HEBP1: variants seen among roughly 807,000 people sequenced by gnomAD.
The protein encoded by HEBP1 is heme binding protein 1.
HEBP1 carries 13 observed loss-of-function variants against 20.4 expected under a neutral mutation model. The ratio of observed to expected loss-of-function variants is 0.64; its 90% confidence interval spans 0.42 to 1.01. The LOEUF (loss-of-function observed/expected upper bound fraction) is 1.01, where lower values mean the gene tolerates loss of function less well. HEBP1 is among the 50% of genes least tolerant of loss of function. HEBP1 has a pLI of 0.00. For missense variants in HEBP1, 241 were observed against 247.3 expected (o/e 0.97, Z 0.17); for synonymous variants, 92 against 90.7 (o/e 1.01, Z -0.08).
intron 1 of HEBP1, among the ~76,000 whole-genome samples, chr12:12,993,106 CT>C: frequency 6.6e-6 from 1 of 152,074 alleles, no homozygotes; most frequent in South Asian, 2.1e-4. Context: ...CTCTGTCTTT[CT>C]TTTTTTCTTT....
intron 3 of HEBP1, among the ~76,000 whole-genome samples, chr12:12,985,053 CAGG>C: frequency 6.6e-6 from 1 of 150,704 alleles, no homozygotes; most frequent in East Asian, 2.0e-4. Flanking sequence ...GAGGCTGAGG[CAGG>C]AGAATTGCTT....
At chr12:12,997,768 T>C (rs1864309836) in intron 1 of HEBP1, among the ~76,000 whole-genome samples, 1 of 152,152 alleles carries the variant, frequency 6.6e-6, no homozygotes, top group South Asian at 2.1e-4. Context: ...GTGTGGGCCA[T>C]CATCATTAAT....
intron 1 of HEBP1, among the ~76,000 whole-genome samples, chr12:12,999,081 C>A (rs570160812): frequency 6.6e-6 from 1 of 152,370 alleles, no homozygotes; most frequent in East Asian, 1.9e-4. Flanking sequence ...GCAGAATTGA[C>A]TGCCTCTGTG....
At chr12:12,997,756 C>T (rs1318521451) in intron 1 of HEBP1, among the ~76,000 whole-genome samples, 1 of 152,214 alleles carries the variant, frequency 6.6e-6, no homozygotes, top group Non-Finnish European at 1.5e-5. Flanking sequence ...CCCTCTCCGC[C>T]TGTGTGGGCC....
At chr12:12,990,115 T>TGC (rs1193164975) in intron 1 of HEBP1, among the ~76,000 whole-genome samples, 7 of 72,886 alleles carry the variant, frequency 9.6e-5, no homozygotes, top group African/African-American at 2.6e-4. Context: ...CTACTCTCTG[T>TGC]GCACACACAC....
At position 12,989,414 on chromosome 12, in the gene HEBP1, T is replaced by C; in HGVS notation, c.80A>G (p.Glu27Gly). 2 of 1,614,074 alleles carry C rather than the reference T, an allele frequency of 1.2e-6. No individual in the cohort carries two copies. The highest frequency in any genetic ancestry group is 1.7e-6 in the Non-Finnish European group (2 of 1,179,980). ...PWQVLSKGDK[E>G]EVAYEERACE... ...GGCCCTTTCTTCATAGGCAACTTCT[T>C]CCTAGAGAGAGAGAAGGTACAGTGT... The change falls in exon 2 of 4, where the codon GAA becomes GGA. Residue 27 changes from glutamate (E) to glycine (G), a missense_variant and splice_region_variant. Physicochemically the swap from Glu to Gly is moderately conservative, Grantham distance 98. Transcript: ENST00000014930.
At chr12:12,981,938 C>A (rs1453297085) in intron 3 of HEBP1, among the ~76,000 whole-genome samples, 1 of 152,162 alleles carries the variant, frequency 6.6e-6, no homozygotes, top group East Asian at 1.9e-4. Context: ...GAGAGAAGCA[C>A]AGGAGAGGCA....
At chr12:12,984,831 C>T (rs1864132211) in intron 3 of HEBP1, among the ~76,000 whole-genome samples, 1 of 151,810 alleles carries the variant, frequency 6.6e-6, no homozygotes, top group Non-Finnish European at 1.5e-5. Flanking sequence ...CAAAATCTGA[C>T]TTGGATCCAG....
intron 3 of HEBP1, among the ~76,000 whole-genome samples, chr12:12,981,842 C>G (rs188841657): frequency 6.6e-6 from 1 of 152,116 alleles, no homozygotes; most frequent in Non-Finnish European, 1.5e-5. Flanking sequence ...GGGAGACAGA[C>G]AGAGGTTAGG....
Position 13,000,148 on chromosome 12 carries a change from A to G in HEBP1, c.-34T>C. On this transcript the variant is annotated 5_prime_UTR_variant, in exon 1 of 4. Transcript: ENST00000014930. ...CGAGACGCTCCCGACGCACGGGAGG[A>G]CGTGAGGTGGCGGGGGCGACGGAGC... 21 of 1,532,964 alleles carry G rather than the reference A, an allele frequency of 1.4e-5. No individual in the cohort carries two copies. Among genetic ancestry groups the G allele is most frequent in the Non-Finnish European group, 1.9e-5 (21 of 1,121,664 alleles). The allele number at this position is 1,532,964 out of a possible 1,614,324, so 95.0% of individuals were successfully genotyped here.
At position 12,987,612 on chromosome 12, in the gene HEBP1, T is replaced by TCTCTCTCTCTCTTTCTC. The variant is rs1230851526; in HGVS notation, c.218-281_218-280insGAGAAAGAGAGAGAGAG. Among the ~76,000 whole-genome samples, 59 of 117,840 alleles carry TCTCTCTCTCTCTTTCTC rather than the reference T, an allele frequency of 5.0e-4. 1 individual carries two copies. Among genetic ancestry groups the TCTCTCTCTCTCTTTCTC allele is most frequent in the African/African-American group, 1.8e-3 (58 of 32,612 alleles). The allele number at this position is 117,840 out of a possible 152,430, so 77.3% of individuals were successfully genotyped here. The stretch of plus-strand genomic sequence containing the variant: ...TCTTTCTCTCTCTCTCTCTCTCTCT[T>TCTCTCTCTCTCTTTCTC]TCTCTCTCTCTCTCTCTCTCTCTTT... On this transcript the variant is annotated intron_variant, in intron 2 of 3. Coordinates refer to ENST00000014930, the MANE Select transcript of HEBP1 (RefSeq NM_015987.5).
At chr12:12,991,854 T>C (rs1395594379) in intron 1 of HEBP1, among the ~76,000 whole-genome samples, 3 of 152,218 alleles carry the variant, frequency 2.0e-5, no homozygotes, top group Non-Finnish European at 2.9e-5. Context: ...GAAGGAAAGT[T>C]GGTCTATGTT....
chr12:12,997,622 C>T (rs1338247371), intron 1 of HEBP1, among the ~76,000 whole-genome samples: 3 of 152,230 alleles, frequency 2.0e-5, no homozygotes, highest in Middle Eastern at 3.4e-3. Flanking sequence ...CGTAGCTGGG[C>T]GCCGGCTGAC....
In HEBP1 at chr12:12,975,430, G is replaced by C. The variant is rs982212804; in HGVS notation, c.448C>G (p.Arg150Gly). Residue 150 changes from arginine to glycine, a missense_variant, in exon 4 of 4, where the codon CGT becomes GGT. Arg to Gly is a moderately radical substitution (Grantham distance 125, BLOSUM62 -2). Coordinates refer to ENST00000014930, the MANE Select transcript of HEBP1 (RefSeq NM_015987.5). ...GTGCCCTCCAGGGCAGCACGCAGAC[G>C]GGTGGCTTGTGCTACGTAGTCTGCT... Reference protein sequence around the residue: ...KEADYVAQATRLRAALEGTAT... With the variant: ...KEADYVAQATGLRAALEGTAT... The C allele has an allele frequency of 6.2e-7, 1 of 1,612,492 alleles. No individual in the cohort carries two copies. The highest frequency in any genetic ancestry group is 8.5e-7 in the Non-Finnish European group (1 of 1,179,352).
intron 3 of HEBP1, chr12:12,979,850 C>T (rs1864052100): frequency 6.6e-6 from 1 of 152,154 alleles, no homozygotes; most frequent in African/African-American, 2.4e-5. Context: ...CATACACACA[C>T]CCCTGATTCC....
intron 3 of HEBP1, chr12:12,977,724 C>T (rs921233475): frequency 6.6e-6 from 1 of 152,178 alleles, no homozygotes; most frequent in African/African-American, 2.4e-5. Context: ...TAACCCCATC[C>T]CAATCTTCTT....
At chr12:12,978,403 G>T (rs571316826) in intron 3 of HEBP1, among the ~76,000 whole-genome samples, 1 of 151,750 alleles carries the variant, frequency 6.6e-6, no homozygotes, top group East Asian at 1.9e-4. Flanking sequence ...GGGTTTTGCC[G>T]TATTGGCCAG....
chr12:12,989,182 G>T, intron 2 of HEBP1, 95 bp downstream of exon 2: 2 of 1,339,792 alleles, frequency 1.5e-6, no homozygotes, highest in Non-Finnish European at 1.1e-6. Flanking sequence ...CACTACAGGT[G>T]CCTTGTAGCC....
At chr12:12,978,679 T>C (rs1864032951) in intron 3 of HEBP1, among the ~76,000 whole-genome samples, 1 of 151,752 alleles carries the variant, frequency 6.6e-6, no homozygotes, top group Admixed American at 6.6e-5. Context: ...ATTTGAGAGG[T>C]ACCTGTATGT....
Sources: allele counts gnomAD v4.1 joint callset (sites outside exome capture counted in the v4.1 genomes callset), GRCh38; gene constraint gnomAD v4.1.1; transcripts MANE v1.5; gene names NCBI Gene and HGNC (gene_info 2026-07-23, HGNC 2026-07-21).